TMEM232: variants seen among roughly 807,000 people sequenced by gnomAD.
TMEM232 encodes transmembrane protein 232.
In TMEM232, 80 loss-of-function variants were observed where a neutral mutation model predicts 78.8. The observed-to-expected ratio is 1.01, with a 90% CI of 0.85 to 1.22. The LOEUF (loss-of-function observed/expected upper bound fraction) is 1.22, where lower values mean the gene tolerates loss of function less well. Among genes scored for constraint, TMEM232 ranks in the 50% most tolerant of loss-of-function variants. TMEM232 has a pLI of 0.00. For missense variants in TMEM232, 881 were observed against 742.2 expected (o/e 1.19, Z -2.17); for synonymous variants, 297 against 254.3 (o/e 1.17, Z -1.60).
At chr5:110,640,776 G>A (rs1245438036) in intron 4 of TMEM232, 115 bp downstream of exon 4, 2 of 553,516 alleles carry the variant, frequency 3.6e-6, no homozygotes, top group African/African-American at 2.0e-5. Flanking sequence ...TTTTGATAGA[G>A]TAGAAAAATT....
At chr5:110,672,437 T>G (rs1791477458) in intron 1 of TMEM232, among the ~76,000 whole-genome samples, 1 of 152,206 alleles carries the variant, frequency 6.6e-6, no homozygotes, top group African/African-American at 2.4e-5. Flanking sequence ...CACAAGTTTG[T>G]AAACCATTAT....
At position 110,564,617 on chromosome 5, in the gene TMEM232, T is replaced by G. The variant is rs192563305; in HGVS notation, c.1455+3830A>C. On this transcript the variant is annotated intron_variant, in intron 11 of 13. Transcript: ENST00000455884. ...AATTAATTTACGACCAGTAAGAAAGTTGGGACAATAGGCGTGAACCCATGC... is the reference window on the plus strand; with the variant it reads ...AATTAATTTACGACCAGTAAGAAAGGTGGGACAATAGGCGTGAACCCATGC... Among the ~76,000 whole-genome samples, 27 of 151,972 alleles carry G rather than the reference T, an allele frequency of 1.8e-4. No homozygotes were observed. The East Asian group carries it at 4.9e-3, about 27-fold the overall frequency.
intron 12 of TMEM232, among the ~76,000 whole-genome samples, chr5:110,523,797 A>C (rs1167730806): frequency 6.6e-6 from 1 of 151,806 alleles, no homozygotes; most frequent in Non-Finnish European, 1.5e-5. Flanking sequence ...TACAAAAATA[A>C]ATTTTTTAAA....
At chr5:110,698,423 CTT>C (rs1284967643) in intron 1 of TMEM232, among the ~76,000 whole-genome samples, 1 of 151,824 alleles carries the variant, frequency 6.6e-6, no homozygotes, top group East Asian at 1.9e-4. Context: ...TACCCTAAAA[CTT>C]AAAGTATAAT....
chr5:110,428,781 A>G (rs1444370982), intron 12 of TMEM232, among the ~76,000 whole-genome samples: 4 of 151,592 alleles, frequency 2.6e-5, no homozygotes, highest in Non-Finnish European at 5.9e-5. Flanking sequence ...GGATAATCTC[A>G]TCTCGAGATC....
At chr5:110,671,766 C>T (rs894001057) in intron 1 of TMEM232, among the ~76,000 whole-genome samples, 10 of 151,920 alleles carry the variant, frequency 6.6e-5, no homozygotes, top group Non-Finnish European at 1.0e-4. Flanking sequence ...GCCAGAGGAG[C>T]GATAGCATTA....
chr5:110,714,839 A>G (rs1796861861), intron 1 of TMEM232, among the ~76,000 whole-genome samples: 1 of 152,182 alleles, frequency 6.6e-6, no homozygotes, highest in Non-Finnish European at 1.5e-5. Flanking sequence ...AATTAAATCT[A>G]GAGAAAAAGG....
intron 10 of TMEM232, among the ~76,000 whole-genome samples, chr5:110,568,976 C>A (rs1322728090): frequency 1.3e-5 from 2 of 151,766 alleles, no homozygotes; most frequent in Non-Finnish European, 2.9e-5. Context: ...CACAGGCCAC[C>A]ATGGTGAATT....
intron 12 of TMEM232, among the ~76,000 whole-genome samples, chr5:110,439,624 G>A (rs917334801): frequency 6.6e-6 from 1 of 151,882 alleles, no homozygotes; most frequent in Non-Finnish European, 1.5e-5. Context: ...TTGATCTGGT[G>A]GTTTCCATAT....
chr5:110,542,752 T>A (rs569374508), intron 11 of TMEM232, among the ~76,000 whole-genome samples: 1 of 152,184 alleles, frequency 6.6e-6, no homozygotes, highest in African/African-American at 2.4e-5. Context: ...CCCCAACTTC[T>A]CATGCCCAAG....
chr5:110,674,102 C>T (rs1418539018), intron 1 of TMEM232, among the ~76,000 whole-genome samples: 1 of 151,414 alleles, frequency 6.6e-6, no homozygotes, highest in Non-Finnish European at 1.5e-5. Context: ...TGTTATTTTG[C>T]AATTATTCTA....
chr5:110,533,547 C>G (rs549595872), intron 11 of TMEM232, among the ~76,000 whole-genome samples: 1 of 152,198 alleles, frequency 6.6e-6, no homozygotes, highest in Non-Finnish European at 1.5e-5. Flanking sequence ...TCAACTCACT[C>G]TACATTTCTC....
rs185252554 is a variant in TMEM232, at chr5:110,708,074, C to T, written c.-13+18553G>A. Among the ~76,000 whole-genome samples, 534 of 152,160 alleles carry T rather than the reference C, an allele frequency of 3.5e-3. 2 individuals carry two copies. Among genetic ancestry groups the T allele is most frequent in the Admixed American group, 6.3e-3 (96 of 15,260 alleles). The stretch of plus-strand genomic sequence containing the variant: ...AAGACATGCTGACTCCAGGTGAGAT[C>T]CAGTACACTTGCAGTTATGGTGGCT... On this transcript the variant is annotated intron_variant, in intron 1 of 13. Transcript: ENST00000455884.
intron 10 of TMEM232, among the ~76,000 whole-genome samples, chr5:110,580,332 A>G (rs2036884429): frequency 6.8e-6 from 1 of 146,516 alleles, no homozygotes; most frequent in South Asian, 2.1e-4. Context: ...AGACACAAAC[A>G]GTTAGCATTG....
At chr5:110,723,209 T>TTATCTATTTTCTCCTTTGTGAG (rs1161859099) in intron 1 of TMEM232, among the ~76,000 whole-genome samples, 1 of 152,168 alleles carries the variant, frequency 6.6e-6, no homozygotes, top group Non-Finnish European at 1.5e-5. Context: ...TCTATTCAGA[T>TTATCTATTTTCTCCTTTGTGAG]TATCTATTTT....
chr5:110,690,257 C>T (rs1250096866), intron 1 of TMEM232, among the ~76,000 whole-genome samples: 1 of 152,060 alleles, frequency 6.6e-6, no homozygotes, highest in Non-Finnish European at 1.5e-5. Context: ...GGCTAATATC[C>T]AGAATCTAAA....
intron 8 of TMEM232, among the ~76,000 whole-genome samples, chr5:110,607,517 G>A (rs114079070): frequency 6.6e-6 from 1 of 151,914 alleles, no homozygotes; most frequent in East Asian, 1.9e-4. Context: ...CCCTCAAGAT[G>A]GAATTCTCTG....
intron 1 of TMEM232, among the ~76,000 whole-genome samples, chr5:110,688,292 C>T (rs562939141): frequency 5.9e-5 from 9 of 152,206 alleles, no homozygotes; most frequent in Non-Finnish European, 1.0e-4. Flanking sequence ...AACTTCAAGG[C>T]AGAAAGCTGA....
At chr5:110,640,215 A>C (rs1247380727) in intron 4 of TMEM232, among the ~76,000 whole-genome samples, 5 of 152,222 alleles carry the variant, frequency 3.3e-5, no homozygotes, top group Admixed American at 3.3e-4. Context: ...AAGGCAAGTT[A>C]AATACAAAAT....
Sources: allele counts gnomAD v4.1 joint callset (sites outside exome capture counted in the v4.1 genomes callset), GRCh38; gene constraint gnomAD v4.1.1; transcripts MANE v1.5; gene names NCBI Gene and HGNC (gene_info 2026-07-23, HGNC 2026-07-21).